The following RBFOX1 variants were observed in gnomAD, a reference collection of about 807,000 sequenced individuals.
RBFOX1 encodes the protein RNA binding protein fox-1 homolog 1.
Under a neutral mutation model 57.7 loss-of-function variants are expected in RBFOX1, and 8 were observed. The ratio of observed to expected loss-of-function variants is 0.14; its 90% confidence interval spans 0.08 to 0.25. RBFOX1 has a LOEUF of 0.25. Ranked by LOEUF, RBFOX1 falls within the 10% of genes least tolerant of loss-of-function variation. RBFOX1 has a pLI of 1.00. For missense variants in RBFOX1, 611 were observed against 548.5 expected (o/e 1.11, Z -1.14); for synonymous variants, 326 against 222.4 (o/e 1.47, Z -4.15).
At chr16:7,555,467 T>C (rs1033019553) in intron 5 of RBFOX1, among the ~76,000 whole-genome samples, 3 of 152,216 alleles carry the variant, frequency 2.0e-5, no homozygotes, top group African/African-American at 7.2e-5. Context: ...GAAAAGGATA[T>C]AAGAGGACCC....
intron 2 of RBFOX1, among the ~76,000 whole-genome samples, chr16:6,453,693 T>A (rs1341294037): frequency 6.6e-6 from 1 of 152,210 alleles, no homozygotes; most frequent in Non-Finnish European, 1.5e-5. Context: ...TGGAAGCCCC[T>A]GACTTTCTAA....
At chr16:7,345,998 C>T (rs1418285571) in intron 4 of RBFOX1, among the ~76,000 whole-genome samples, 1 of 152,126 alleles carries the variant, frequency 6.6e-6, no homozygotes, top group Admixed American at 6.5e-5. Context: ...CCACAACAGG[C>T]CCCGGTGTGT....
intron 3 of RBFOX1, among the ~76,000 whole-genome samples, chr16:6,822,023 C>T (rs1490421967): frequency 6.6e-6 from 1 of 152,130 alleles, no homozygotes; most frequent in Non-Finnish European, 1.5e-5. Flanking sequence ...AAATAGGGAG[C>T]ATGGTTGTAT....
chr16:7,395,649 C>G (rs2098127850), intron 4 of RBFOX1, among the ~76,000 whole-genome samples: 1 of 152,132 alleles, frequency 6.6e-6, no homozygotes, highest in Non-Finnish European at 1.5e-5. Context: ...GTATATGTAG[C>G]ATGGAAGACT....
intron 1 of RBFOX1, among the ~76,000 whole-genome samples, chr16:6,200,437 C>T (rs369648287): frequency 3.3e-5 from 5 of 151,986 alleles, no homozygotes; most frequent in Admixed American, 2.0e-4. Flanking sequence ...TGGGTGATTC[C>T]AGTTGCCTTC....
At chr16:7,198,438 A>T (rs79682655) in intron 4 of RBFOX1, among the ~76,000 whole-genome samples, 6,831 of 152,328 alleles carry the variant, frequency 0.045, 488 homozygotes, top group African/African-American at 0.16. Flanking sequence ...TTTATGTTAT[A>T]TGAATTCCAC....
Position 5,672,854 on chromosome 16 carries a change from GGTGTGTGTGTGTGT to G in RBFOX1, c.318+73916_318+73929del, listed in dbSNP as rs3035730. On this transcript the variant is annotated intron_variant, in intron 3 of 19. Coordinates refer to the RBFOX1 transcript ENST00000641259. ...GGATGATCAGAAATCCTTCACCGTA[GGTGTGTGTGTGTGT>G]GTGTGTGTGTGTGTGTGTGTGTCTG... Among the ~76,000 whole-genome samples, 45 of 149,720 alleles carry G rather than the reference GGTGTGTGTGTGTGT, an allele frequency of 3.0e-4. No individual in the cohort carries two copies. In the East Asian group the frequency reaches 4.8e-3, roughly 16 times the overall value.
intron 3 of RBFOX1, among the ~76,000 whole-genome samples, chr16:5,628,116 G>T (rs374169437): frequency 1.3e-5 from 2 of 152,288 alleles, no homozygotes; most frequent in East Asian, 3.9e-4. Context: ...TAAAAATGTT[G>T]TACAGTTAGA....
At chr16:6,587,469 A>G (rs1447628054) in intron 2 of RBFOX1, among the ~76,000 whole-genome samples, 3 of 152,070 alleles carry the variant, frequency 2.0e-5, no homozygotes, top group African/African-American at 7.2e-5. Context: ...TTTAGCAGAG[A>G]CAGGGTTTCA....
chr16:6,328,277 G>A (rs989763810), intron 2 of RBFOX1, among the ~76,000 whole-genome samples: 1 of 152,118 alleles, frequency 6.6e-6, no homozygotes, highest in African/African-American at 2.4e-5. Flanking sequence ...GGCACTGGAG[G>A]GGAAAGGGTG....
intron 2 of RBFOX1, among the ~76,000 whole-genome samples, chr16:6,357,983 T>G (rs1478878836): frequency 6.8e-6 from 1 of 146,402 alleles, no homozygotes. Context: ...AAAAAAGAAA[T>G]TAATGGGGCC....
chr16:7,001,894 A>G (rs894260233), intron 3 of RBFOX1, among the ~76,000 whole-genome samples: 4 of 152,166 alleles, frequency 2.6e-5, no homozygotes, highest in Admixed American at 6.5e-5. Context: ...GAGTCCCCAT[A>G]GTAAGCGGGG....
At chr16:6,928,852 C>T in intron 3 of RBFOX1, among the ~76,000 whole-genome samples, 1 of 152,250 alleles carries the variant, frequency 6.6e-6, no homozygotes, top group East Asian at 1.9e-4. Flanking sequence ...CCAGTTAAAA[C>T]CACCACCACC....
chr16:7,696,426 C>T (rs1012542738), intron 14 of RBFOX1, among the ~76,000 whole-genome samples: 6 of 151,694 alleles, frequency 4.0e-5, no homozygotes, highest in East Asian at 1.9e-4. Context: ...GGGAGGTCTC[C>T]GTCTGTGATT....
chr16:6,300,715 C>G (rs528945551), intron 1 of RBFOX1, among the ~76,000 whole-genome samples: 25 of 152,202 alleles, frequency 1.6e-4, no homozygotes, highest in Non-Finnish European at 3.2e-4. Context: ...TGTAGCCCTA[C>G]TCTTTCATTA....
At chr16:5,307,290 T>G (rs2063963281) in intron 1 of RBFOX1, among the ~76,000 whole-genome samples, 1 of 152,190 alleles carries the variant, frequency 6.6e-6, no homozygotes, top group Non-Finnish European at 1.5e-5. Flanking sequence ...CACTCAGGTG[T>G]GCAAACCTGG....
chr16:5,548,842 G>A (rs2045339855), intron 2 of RBFOX1, among the ~76,000 whole-genome samples: 1 of 152,170 alleles, frequency 6.6e-6, no homozygotes, highest in African/African-American at 2.4e-5. Context: ...TTCCATGGAT[G>A]AAGTGAGAGA....
At chr16:5,865,340 G>C (rs971137599) in intron 3 of RBFOX1, among the ~76,000 whole-genome samples, 7 of 152,050 alleles carry the variant, frequency 4.6e-5, no homozygotes, top group Admixed American at 3.9e-4. Context: ...AGTCCTGAAC[G>C]GGCGCCAGGA....
At chr16:6,029,248 G>A (rs149360988) in intron 1 of RBFOX1, among the ~76,000 whole-genome samples, 1 of 152,170 alleles carries the variant, frequency 6.6e-6, no homozygotes, top group Non-Finnish European at 1.5e-5. Flanking sequence ...GGTTTTGTCT[G>A]TGTAAACCTA....
Sources: allele counts gnomAD v4.1 joint callset (sites outside exome capture counted in the v4.1 genomes callset), GRCh38; gene constraint gnomAD v4.1.1; transcripts MANE v1.5; gene names NCBI Gene and HGNC (gene_info 2026-07-23, HGNC 2026-07-21).